The following DOK6 variants were observed in gnomAD, a reference collection of about 807,000 sequenced individuals.
DOK6 encodes the protein downstream of tyrosine kinase 6.
DOK6 carries 22 observed loss-of-function variants against 44.0 expected under a neutral mutation model. The ratio of observed to expected loss-of-function variants is 0.50; its 90% CI spans 0.36 to 0.71. DOK6 has a LOEUF of 0.71. Among genes scored for constraint, DOK6 ranks in the 30% least tolerant of loss-of-function variants. The pLI is 0.00. For missense variants in DOK6, 340 were observed against 416.4 expected (o/e 0.82, Z 1.60); for synonymous variants, 166 against 145.5 (o/e 1.14, Z -1.01).
rs139391486 is a variant in DOK6 at position 69,704,779 on chromosome 18, G to A, written c.599+6186G>A. ...CAGGCGTGAGCCACCATGCTAGGCC[G>A]ATATGACTTCTTATAGTTCCAAAAG... On this transcript the variant is annotated intron_variant, in intron 5 of 7. Transcript: ENST00000382713. Among the ~76,000 whole-genome samples the A allele has an allele frequency of 1.5e-4, 23 of 152,130 alleles. No individual in the cohort carries two copies. In the East Asian group the frequency reaches 1.7e-3, roughly 12 times the overall value.
At chr18:69,826,488 T>G (rs77954986) in intron 7 of DOK6, among the ~76,000 whole-genome samples, 2,259 of 152,332 alleles carry the variant, frequency 0.015, 19 homozygotes, top group Admixed American at 0.019. Flanking sequence ...TTTTTATTGC[T>G]GCCCACTGGC....
chr18:69,685,366 G>T (rs1029441616), intron 4 of DOK6, among the ~76,000 whole-genome samples: 1 of 152,190 alleles, frequency 6.6e-6, no homozygotes, highest in African/African-American at 2.4e-5. Flanking sequence ...GCCTTGGTCA[G>T]ATTAGTGAAA....
chr18:69,637,229 A>C (rs1984829841), intron 3 of DOK6, among the ~76,000 whole-genome samples: 1 of 152,230 alleles, frequency 6.6e-6, no homozygotes, highest in African/African-American at 2.4e-5. Context: ...TATTTAAAGC[A>C]GTGTTTTCAT....
chr18:69,530,349 T>A (rs1428221901), intron 1 of DOK6, among the ~76,000 whole-genome samples: 1 of 152,204 alleles, frequency 6.6e-6, no homozygotes, highest in Admixed American at 6.5e-5. Flanking sequence ...GTATGCCCTG[T>A]ATGCTTTGGT....
intron 3 of DOK6, among the ~76,000 whole-genome samples, chr18:69,631,844 T>C (rs1984697635): frequency 6.6e-6 from 1 of 152,250 alleles, no homozygotes; most frequent in Non-Finnish European, 1.5e-5. Flanking sequence ...CACAAACCTG[T>C]TTCCTGAAAA....
intron 6 of DOK6, among the ~76,000 whole-genome samples, chr18:69,745,862 T>C (rs1599301907): frequency 6.6e-6 from 1 of 152,348 alleles, no homozygotes; most frequent in Non-Finnish European, 1.5e-5. Context: ...TGGGAAAAAC[T>C]GTTTTAACCA....
At chr18:69,441,833 C>T (rs1343937692) in intron 1 of DOK6, among the ~76,000 whole-genome samples, 2 of 151,958 alleles carry the variant, frequency 1.3e-5, no homozygotes, top group Non-Finnish European at 2.9e-5. Context: ...CACCGGTGTG[C>T]ATAATGTTAC....
rs1375181093 is a variant in DOK6, at chr18:69,435,072, AAGGAAGGAAG to A, written c.66+33763_66+33772del. On this transcript the variant is annotated intron_variant, in intron 1 of 7. Coordinates refer to ENST00000382713, the MANE Select transcript of DOK6 (RefSeq NM_152721.6). ...GAAGGAAGGAAGGAAGGAAGGAAGGAAGGAAGGAAGGAAGGAAGGAAAGAAGGAAGAAAGA... is the reference window on the plus strand; with the variant it reads ...GAAGGAAGGAAGGAAGGAAGGAAGGAGAAGGAAGGAAAGAAGGAAGAAAGA... Among the ~76,000 whole-genome samples the A allele has an allele frequency of 3.9e-3, 585 of 150,826 alleles. 6 individuals are homozygous for A. The highest frequency in any genetic ancestry group is 0.013 in the African/African-American group (536 of 40,976).
intron 1 of DOK6, chr18:69,471,502 G>A (rs1014124683): frequency 6.6e-6 from 1 of 151,952 alleles, no homozygotes; most frequent in African/African-American, 2.4e-5. Context: ...CACGGTGCTT[G>A]GATTTTACCT....
intron 3 of DOK6, among the ~76,000 whole-genome samples, chr18:69,657,871 A>C (rs1002931528): frequency 8.6e-5 from 13 of 151,854 alleles, no homozygotes; most frequent in African/African-American, 3.1e-4. Context: ...TGTGTAGGTG[A>C]GTGGGTGGGT....
chr18:69,617,707 AAAAG>A (rs1320593155), intron 3 of DOK6, among the ~76,000 whole-genome samples: 620 of 38,828 alleles, frequency 0.016, 18 homozygotes, highest in African/African-American at 0.03. Context: ...ACGGAAAGAG[AAAAG>A]AAAGAAAGAA....
rs1425126389 is a variant in DOK6 at position 69,476,463 on chromosome 18, T to TC, written c.66+75154dup. Among the ~76,000 whole-genome samples, 258 of 152,312 alleles carry TC rather than the reference T, an allele frequency of 1.7e-3. 2 individuals are homozygous for TC. Among genetic ancestry groups the TC allele is most frequent in the East Asian group, 0.013 (65 of 5,184 alleles). On this transcript the variant is annotated intron_variant, in intron 1 of 7. Coordinates refer to ENST00000382713, the MANE Select transcript of DOK6 (RefSeq NM_152721.6). ...AGGGATTCTTGGAAGGCACGGGTAA[T>TC]CGTCACTTGATCAGTCAGAGTTCCC...
chr18:69,484,658 C>T (rs943659898), intron 1 of DOK6, among the ~76,000 whole-genome samples: 1 of 152,052 alleles, frequency 6.6e-6, no homozygotes, highest in Non-Finnish European at 1.5e-5. Context: ...TATTGAAAAA[C>T]ATCTTATGTA....
chr18:69,426,702 C>A (rs946368858), intron 1 of DOK6, among the ~76,000 whole-genome samples: 3 of 152,092 alleles, frequency 2.0e-5, no homozygotes, highest in Non-Finnish European at 1.5e-5. Context: ...ACATTCATAC[C>A]CATTTTTTCA....
At chr18:69,578,464 G>T (rs1306512675) in intron 2 of DOK6, among the ~76,000 whole-genome samples, 1 of 152,136 alleles carries the variant, frequency 6.6e-6, no homozygotes, top group Non-Finnish European at 1.5e-5. Flanking sequence ...GAGAAATTCG[G>T]ATGATAATTT....
intron 3 of DOK6, among the ~76,000 whole-genome samples, chr18:69,670,103 G>A (rs1985759716): frequency 6.6e-6 from 1 of 151,688 alleles, no homozygotes; most frequent in South Asian, 2.1e-4. Context: ...TTTATTTATT[G>A]TTATCAATTT....
chr18:69,653,216 A>G (rs1371871548), intron 3 of DOK6, among the ~76,000 whole-genome samples: 2 of 152,100 alleles, frequency 1.3e-5, no homozygotes, highest in East Asian at 1.9e-4. Flanking sequence ...GCCAATTCGT[A>G]AGTAACACAG....
intron 1 of DOK6, among the ~76,000 whole-genome samples, chr18:69,497,953 G>A (rs1423709674): frequency 6.6e-6 from 1 of 151,600 alleles, no homozygotes; most frequent in Non-Finnish European, 1.5e-5. Context: ...TTGCACCACT[G>A]TACTCCAGCA....
At chr18:69,687,484 C>A (rs1428061689) in intron 4 of DOK6, among the ~76,000 whole-genome samples, 2 of 152,210 alleles carry the variant, frequency 1.3e-5, no homozygotes, top group East Asian at 3.9e-4. Flanking sequence ...GAGTTCGAGA[C>A]CAGCCTGGCC....
Sources: gnomAD v4.1 joint callset for allele counts (sites outside exome capture counted in the v4.1 genomes callset) on GRCh38, gnomAD v4.1.1 for gene constraint, MANE v1.5 for transcripts, NCBI Gene and HGNC (gene_info 2026-07-23, HGNC 2026-07-21) for gene names.